The following FUT8 variants were observed in gnomAD, a reference collection of about 807,000 sequenced individuals.
FUT8 encodes alpha-(1,6)-fucosyltransferase.
In FUT8, 29 loss-of-function variants were observed where a neutral mutation model predicts 71.3. The observed-to-expected ratio is 0.41, with a 90% CI of 0.30 to 0.55. FUT8 has a LOEUF of 0.55. FUT8 is among the 20% of genes least tolerant of loss of function. The pLI is 0.34. For missense variants in FUT8, 544 were observed against 702.1 expected (o/e 0.77, Z 2.55); for synonymous variants, 254 against 239.3 (o/e 1.06, Z -0.57).
chr14:65,609,251 C>T (rs7154625), intron 3 of FUT8, among the ~76,000 whole-genome samples: 2,988 of 150,540 alleles, frequency 0.02, 88 homozygotes, highest in Non-Finnish European at 0.032. Context: ...GCCAGGATCG[C>T]GCCACTGCAC....
intron 2 of FUT8, among the ~76,000 whole-genome samples, chr14:65,522,815 A>C (rs992806709): frequency 6.7e-6 from 1 of 148,514 alleles, no homozygotes; most frequent in Non-Finnish European, 1.5e-5. Flanking sequence ...GAGTGAGAAC[A>C]TGTGGTATTT....
chr14:65,604,685 C>G (rs1384265201), intron 3 of FUT8, among the ~76,000 whole-genome samples: 1 of 151,832 alleles, frequency 6.6e-6, no homozygotes, highest in African/African-American at 2.4e-5. Flanking sequence ...GGTCACACCT[C>G]AAGGAACTAG....
chr14:65,737,940 A>G (rs908625341), intron 10 of FUT8, among the ~76,000 whole-genome samples: 13 of 152,128 alleles, frequency 8.5e-5, no homozygotes, highest in African/African-American at 3.1e-4. Flanking sequence ...ACTATTCCAG[A>G]CAGATGGCTC....
chr14:65,398,444 AT>A, the FUT8 span, among the ~76,000 whole-genome samples: 1 of 152,230 alleles, frequency 6.6e-6, no homozygotes, highest in African/African-American at 2.4e-5. Flanking sequence ...ATTAAAAAAA[AT>A]TTTTTTAGGG....
At chr14:65,633,629 G>A (rs1293929340) in intron 6 of FUT8, among the ~76,000 whole-genome samples, 7 of 148,538 alleles carry the variant, frequency 4.7e-5, no homozygotes, top group Non-Finnish European at 6.0e-5. Flanking sequence ...CCTCTGCCCC[G>A]CCGCCCCGTC....
At chr14:65,662,545 A>C (rs1247465524) in intron 6 of FUT8, among the ~76,000 whole-genome samples, 1 of 152,216 alleles carries the variant, frequency 6.6e-6, no homozygotes, top group African/African-American at 2.4e-5. Flanking sequence ...TTAGCATATA[A>C]AGACTCGTGA....
intron 1 of FUT8, among the ~76,000 whole-genome samples, chr14:65,433,230 T>C (rs1473410701): frequency 6.6e-6 from 1 of 152,122 alleles, no homozygotes; most frequent in African/African-American, 2.4e-5. Flanking sequence ...TTGATAACAG[T>C]TTAGGTTCTC....
intron 5 of FUT8, among the ~76,000 whole-genome samples, chr14:65,623,581 T>C (rs1056819218): frequency 6.6e-6 from 1 of 152,032 alleles, no homozygotes; most frequent in African/African-American, 2.4e-5. Flanking sequence ...TCGTCAGGCA[T>C]GTAGCTCATG....
the FUT8 span, among the ~76,000 whole-genome samples, chr14:65,382,710 T>C: frequency 6.6e-6 from 1 of 152,146 alleles, no homozygotes; most frequent in Non-Finnish European, 1.5e-5. Context: ...CTGACATCTC[T>C]TTTTTATAAC....
At chr14:65,613,919 C>T (rs1889139494) in intron 3 of FUT8, among the ~76,000 whole-genome samples, 1 of 152,174 alleles carries the variant, frequency 6.6e-6, no homozygotes, top group African/African-American at 2.4e-5. Context: ...TTAGACCAGC[C>T]TGGCCAACCC....
chr14:65,369,513 A>T, the FUT8 span, among the ~76,000 whole-genome samples: 4,269 of 152,222 alleles, frequency 0.028, 200 homozygotes, highest in African/African-American at 0.098. This position sits in a 1 kb window ranked among gnomAD's most constrained non-coding sequence, Gnocchi z 4.6. Context: ...TCAGCACAAG[A>T]TACAGGTCAC....
intron 2 of FUT8, among the ~76,000 whole-genome samples, chr14:65,486,847 A>G (rs2066416215): frequency 1.3e-5 from 2 of 152,234 alleles, no homozygotes; most frequent in African/African-American, 4.8e-5. Context: ...TGTGTGCTTA[A>G]TAAGTGTTTG....
intron 2 of FUT8, among the ~76,000 whole-genome samples, chr14:65,512,045 T>C (rs958436800): frequency 6.6e-5 from 10 of 152,266 alleles, no homozygotes; most frequent in African/African-American, 2.4e-4. Flanking sequence ...TATAGCCTAT[T>C]GCTTCTAGGC....
Position 65,652,919 on chromosome 14 carries a change from C to T in FUT8, c.598-16324C>T, listed in dbSNP as rs186936522. 6.6e-6 allele frequency among the ~76,000 whole-genome samples: 1 copy of T among 152,256 alleles called. No homozygotes were observed. Among genetic ancestry groups the T allele is most frequent in the Admixed American group, 6.5e-5 (1 of 15,306 alleles). On this transcript the variant is annotated intron_variant, in intron 6 of 10. Coordinates refer to ENST00000673929, the MANE Select transcript of FUT8 (RefSeq NM_001371533.1). The surrounding 1 kb of genome is among the most constrained non-coding windows in gnomAD (Gnocchi z 4.0). ...CATGCGATAGCAGGGGATCATTGGC[C>T]ATCTCTCTCTGTATTGGTCTTTTCA...
At chr14:65,740,216 C>T (rs1896427731) in intron 10 of FUT8, among the ~76,000 whole-genome samples, 1 of 151,946 alleles carries the variant, frequency 6.6e-6, no homozygotes, top group Non-Finnish European at 1.5e-5. Flanking sequence ...AATCTGAAAG[C>T]AAGGTTTCTA....
chr14:65,426,206 T>G (rs1484000888), intron 1 of FUT8, among the ~76,000 whole-genome samples: 1 of 152,150 alleles, frequency 6.6e-6, no homozygotes, highest in Non-Finnish European at 1.5e-5. Context: ...GATCATGTAG[T>G]ACGTGTATTT....
intron 7 of FUT8, among the ~76,000 whole-genome samples, chr14:65,682,894 C>T (rs1893102767): frequency 6.6e-6 from 1 of 151,998 alleles, no homozygotes; most frequent in Non-Finnish European, 1.5e-5. Context: ...ATTTTTTAAG[C>T]TGTAAAAATG....
rs1379368147 is a variant in FUT8 at position 65,660,982 on chromosome 14, A to C, written c.598-8261A>C. 6.6e-6 allele frequency among the ~76,000 whole-genome samples: 1 copy of C among 152,210 alleles called. No homozygotes were observed. Among genetic ancestry groups the C allele is most frequent in the Non-Finnish European group, 1.5e-5 (1 of 68,040 alleles). On this transcript the variant is annotated intron_variant, in intron 6 of 10. Coordinates refer to ENST00000673929, the MANE Select transcript of FUT8 (RefSeq NM_001371533.1). The surrounding 1 kb of genome is among the most constrained non-coding windows in gnomAD (Gnocchi z 4.1). ...TACCAGCACAAAGCTAGATATTGCAAATCTTTTTAAACAAATAAAAACTGT... is the reference window on the plus strand; with the variant it reads ...TACCAGCACAAAGCTAGATATTGCACATCTTTTTAAACAAATAAAAACTGT...
At chr14:65,412,695 C>G (rs1165097562), upstream of FUT8, 1 of 182,086 alleles carries the variant, frequency 5.5e-6, no homozygotes, top group East Asian at 1.9e-4. Flanking sequence ...GCGCCCTCTC[C>G]CAGAAGCCAG....
Sources: allele counts gnomAD v4.1 joint callset (sites outside exome capture counted in the v4.1 genomes callset), GRCh38; gene constraint gnomAD v4.1.1; non-coding constraint Gnocchi (gnomAD v3.1); transcripts MANE v1.5; gene names NCBI Gene and HGNC (gene_info 2026-07-23, HGNC 2026-07-21).